The following ENPP1 variants were observed in gnomAD, a reference collection of about 807,000 sequenced individuals.
ENPP1 encodes ectonucleotide pyrophosphatase/phosphodiesterase family member 1.
A neutral mutation model predicts 122.8 loss-of-function variants in ENPP1; 73 were observed. The observed-to-expected ratio is 0.59, with a 90% CI of 0.49 to 0.72. The LOEUF (loss-of-function observed/expected upper bound fraction) is 0.72, where lower values mean the gene tolerates loss of function less well. Ranked by LOEUF, ENPP1 falls within the 30% of genes least tolerant of loss-of-function variation. The pLI is 0.00. For missense variants in ENPP1, 978 were observed against 1,128.1 expected (o/e 0.87, Z 1.91); for synonymous variants, 367 against 391.6 (o/e 0.94, Z 0.74).
chr6:131,813,299 G>A lies in ENPP1; in HGVS notation c.240+5024G>A, dbSNP rs182632228. ...CAGGTGGGATCATTTGAGGTCAGGA[G>A]TTCAAGACCAGAATGACCAACATGG... is the stretch of plus-strand genomic sequence containing the variant. On this transcript the variant is annotated intron_variant, in intron 1 of 24. Coordinates refer to ENST00000647893, the MANE Select transcript of ENPP1 (RefSeq NM_006208.3). Among the ~76,000 whole-genome samples, 261 of 152,006 alleles carry A rather than the reference G, an allele frequency of 1.7e-3. 1 individual carries two copies. The highest frequency in any genetic ancestry group is 2.9e-3 in the Non-Finnish European group (200 of 67,974).
intron 1 of ENPP1, among the ~76,000 whole-genome samples, chr6:131,809,507 C>T (rs565818956): frequency 6.6e-6 from 1 of 152,312 alleles, no homozygotes; most frequent in South Asian, 2.1e-4. Flanking sequence ...TAAAATTTTG[C>T]ATCTTGTAAC....
At chr6:131,818,886 A>G (rs1360636814) in intron 1 of ENPP1, among the ~76,000 whole-genome samples, 1 of 152,122 alleles carries the variant, frequency 6.6e-6, no homozygotes, top group Non-Finnish European at 1.5e-5. Flanking sequence ...TTTTATTTAG[A>G]CTTATTTATT....
chr6:131,846,507 G>A (rs921173402), intron 1 of ENPP1, among the ~76,000 whole-genome samples: 25 of 151,930 alleles, frequency 1.6e-4, no homozygotes, highest in African/African-American at 5.6e-4. Context: ...TCAGAGCCAT[G>A]CCAAAAGCTT....
intron 1 of ENPP1, among the ~76,000 whole-genome samples, chr6:131,819,649 A>G (rs1781459296): frequency 6.6e-6 from 1 of 152,346 alleles, no homozygotes; most frequent in Non-Finnish European, 1.5e-5. Context: ...GGGAATTCCC[A>G]GCATTACCTC....
rs538295760 is a variant in ENPP1, at chr6:131,890,608, G to C, written c.*97G>C. The C allele has an allele frequency of 1.7e-6, 2 of 1,145,226 alleles. No homozygotes were observed. Among genetic ancestry groups the C allele is most frequent in the East Asian group, 2.4e-5 (1 of 41,946 alleles). 70.9% of individuals were successfully genotyped at this position (1,145,226 alleles called of 1,614,324 possible). A position where few individuals can be genotyped will look rare whatever the true frequency, so the allele number is the denominator to read the frequency against. Reference sequence around the variant, plus strand: ...ACTATTGCATTGTTCAGAAACTGTCGACCAGAGTTAGAACGGAGCCCTCGG... The same window carrying C: ...ACTATTGCATTGTTCAGAAACTGTCCACCAGAGTTAGAACGGAGCCCTCGG... On this transcript the variant is annotated 3_prime_UTR_variant, in exon 25 of 25. Coordinates refer to ENST00000647893, the MANE Select transcript of ENPP1 (RefSeq NM_006208.3).
intron 16 of ENPP1, 37 bp downstream of exon 16, chr6:131,874,374 A>C (rs1388729381): frequency 1.6e-6 from 2 of 1,218,940 alleles, no homozygotes; most frequent in Non-Finnish European, 2.4e-6. Flanking sequence ...GATTAAATCT[A>C]AAGAAAAAAT....
At chr6:131,882,630 T>C (rs1273537280) in intron 21 of ENPP1, among the ~76,000 whole-genome samples, 156 bp downstream of exon 21, 3 of 138,250 alleles carry the variant, frequency 2.2e-5, no homozygotes, top group Non-Finnish European at 4.5e-5. Context: ...ATAATATATA[T>C]AAAGTATATA....
chr6:131,815,966 C>A (rs950136830), intron 1 of ENPP1, among the ~76,000 whole-genome samples: 8 of 151,566 alleles, frequency 5.3e-5, no homozygotes, highest in Non-Finnish European at 1.2e-4. Flanking sequence ...AGTGATCTGC[C>A]CGCCTCGGCC....
rs535161064 is a variant in ENPP1, at chr6:131,864,082, G to T, written c.1026-424G>T. Among the ~76,000 whole-genome samples, 11 of 152,280 alleles carry T rather than the reference G, an allele frequency of 7.2e-5. No individual in the cohort carries two copies. The South Asian group carries it at 2.1e-3, about 29-fold the overall frequency. ...AAACAAAGCCTGTGTCCAGAGGAAG[G>T]CATATTCAATTCTGCTCAGGAAATA... On this transcript the variant is annotated intron_variant, in intron 9 of 24. Coordinates refer to ENST00000647893, the MANE Select transcript of ENPP1 (RefSeq NM_006208.3).
intron 1 of ENPP1, among the ~76,000 whole-genome samples, chr6:131,821,977 G>T (rs978858053): frequency 1.3e-5 from 2 of 152,090 alleles, no homozygotes; most frequent in Admixed American, 1.3e-4. Context: ...GCACCATTTC[G>T]ATTATAATCT....
At chr6:131,824,799 G>C (rs62424473) in intron 1 of ENPP1, among the ~76,000 whole-genome samples, 53,737 of 151,706 alleles carry the variant, frequency 0.35, 10,179 homozygotes, top group East Asian at 0.45. Flanking sequence ...AGTGGCTCAC[G>C]CCTGTAATCC....
chr6:131,860,830 G>A (rs956050212), intron 8 of ENPP1, among the ~76,000 whole-genome samples: 2 of 152,092 alleles, frequency 1.3e-5, no homozygotes, highest in South Asian at 2.1e-4. Flanking sequence ...GTTTTTGAAC[G>A]TCTTGGTTTT....
Position 131,821,102 on chromosome 6 carries a change from A to G in ENPP1, c.240+12827A>G, listed in dbSNP as rs540899881. On this transcript the variant is annotated intron_variant, in intron 1 of 24. Transcript: ENST00000647893. Reference sequence around the variant, plus strand: ...TAACTACCCAAAGTGTGGTCTGCAGACTGACATATCAGCATTATCCTCTTA... The same window carrying G: ...TAACTACCCAAAGTGTGGTCTGCAGGCTGACATATCAGCATTATCCTCTTA... Among the ~76,000 whole-genome samples the G allele has an allele frequency of 8.3e-4, 127 of 152,316 alleles. 1 individual carries two copies. The highest frequency in any genetic ancestry group is 2.9e-3 in the African/African-American group (122 of 41,572).
At chr6:131,872,175 A>G in intron 14 of ENPP1, 74 bp downstream of exon 14, 1 of 1,014,414 alleles carries the variant, frequency 9.9e-7, no homozygotes, top group Non-Finnish European at 1.5e-6. Context: ...AAGTTTCAGC[A>G]TCTATTATTG....
chr6:131,811,356 A>ATATATCTATATCTATATCTATATATC (rs1305208848), intron 1 of ENPP1, among the ~76,000 whole-genome samples: 112 of 147,508 alleles, frequency 7.6e-4, no homozygotes, highest in South Asian at 1.3e-3. Flanking sequence ...TTAAAAAAAC[A>ATATATCTATATCTATATCTATATATC]TATATCTATA....
intron 1 of ENPP1, chr6:131,828,283 G>C (rs1423293665): frequency 5.6e-6 from 3 of 536,356 alleles, no homozygotes; most frequent in Non-Finnish European, 1.1e-5. Flanking sequence ...GTGTCAGCTG[G>C]AGAGCTCCAG....
chr6:131,821,710 A>G (rs1186851265), intron 1 of ENPP1, among the ~76,000 whole-genome samples: 1 of 152,140 alleles, frequency 6.6e-6, no homozygotes, highest in Non-Finnish European at 1.5e-5. Flanking sequence ...TGTTTTTCCA[A>G]TTCAGCCATC....
intron 1 of ENPP1, among the ~76,000 whole-genome samples, chr6:131,818,443 G>A (rs1454959481): frequency 1.3e-5 from 2 of 152,000 alleles, no homozygotes; most frequent in African/African-American, 4.8e-5. Context: ...TCAGGAGATC[G>A]AGACCATCCT....
At chr6:131,828,665 AC>A (rs1781575493) in intron 1 of ENPP1, among the ~76,000 whole-genome samples, 1 of 152,200 alleles carries the variant, frequency 6.6e-6, no homozygotes, top group African/African-American at 2.4e-5. Context: ...GGGTTTCAGT[AC>A]CTGTGGGCCA....
Sources: allele counts gnomAD v4.1 joint callset (sites outside exome capture counted in the v4.1 genomes callset), GRCh38; gene constraint gnomAD v4.1.1; transcripts MANE v1.5; gene names NCBI Gene and HGNC (gene_info 2026-07-23, HGNC 2026-07-21).